Variants in POU6F2 observed in about 807,000 individuals in gnomAD.
The protein encoded by POU6F2 is POU domain, class 6, transcription factor 2.
POU6F2 carries 31 observed loss-of-function variants against 71.3 expected under a neutral mutation model. That is an observed-to-expected ratio of 0.43 (90% confidence interval 0.33 to 0.59). The LOEUF (loss-of-function observed/expected upper bound fraction) is 0.59, where lower values mean the gene tolerates loss of function less well. POU6F2 is among the 20% of genes least tolerant of loss of function. The pLI, the probability that POU6F2 is intolerant of heterozygous loss-of-function variation, is 0.04. For missense variants in POU6F2, 783 were observed against 856.8 expected (o/e 0.91, Z 1.07); for synonymous variants, 347 against 355.7 (o/e 0.98, Z 0.27).
chr7:39,003,706 G>A (rs187590772), intron 1 of POU6F2, among the ~76,000 whole-genome samples: 2 of 151,232 alleles, frequency 1.3e-5, no homozygotes, highest in Admixed American at 6.6e-5. Context: ...CCAAGATCGC[G>A]CCACTGAACT....
rs182345454 is a variant in POU6F2, at chr7:39,317,737, A to G, written c.599-21905A>G. 1.1e-3 allele frequency among the ~76,000 whole-genome samples: 175 copies of G among 152,358 alleles called. 1 individual carries two copies. Among genetic ancestry groups the G allele is most frequent in the African/African-American group, 3.6e-3 (148 of 41,592 alleles). On this transcript the variant is annotated intron_variant, in intron 4 of 9. Transcript: ENST00000518318. ...TGGCATAAGTGATTATTGGTTCAAC[A>G]TATATTCAAAATGTATCAGATAAAC...
Sources: gnomAD v4.1 joint callset for allele counts (sites outside exome capture counted in the v4.1 genomes callset) on GRCh38, gnomAD v4.1.1 for gene constraint, MANE v1.5 for transcripts, NCBI Gene and HGNC (gene_info 2026-07-23, HGNC 2026-07-21) for gene names.